CDH4: variants seen among roughly 807,000 people sequenced by gnomAD.
The protein encoded by CDH4 is cadherin 4.
In CDH4, 33 loss-of-function variants were observed where a neutral mutation model predicts 86.0. The ratio of observed to expected loss-of-function variants is 0.38; its 90% CI spans 0.29 to 0.51. The LOEUF is 0.51. CDH4 is among the 20% of genes least tolerant of loss of function. The probability of loss-of-function intolerance (pLI) is 0.86; values close to 1 mark genes in which losing one functional copy is unlikely to be tolerated. For missense variants in CDH4, 1,114 were observed against 1,307.4 expected (o/e 0.85, Z 2.28); for synonymous variants, 555 against 549.4 (o/e 1.01, Z -0.14).
rs1311781433 is a variant in CDH4 at position 61,383,555 on chromosome 20, G to GAT, written c.169+128623_169+128624dup. Among the ~76,000 whole-genome samples, 2 of 61,718 alleles carry GAT rather than the reference G, an allele frequency of 3.2e-5. 1 individual carries two copies. The highest frequency in any genetic ancestry group is 5.3e-5 in the Non-Finnish European group (2 of 37,654). The allele number at this position is 61,718 out of a possible 152,430, so 40.5% of individuals were successfully genotyped here. A position where few individuals can be genotyped will look rare whatever the true frequency, so the allele number is the denominator to read the frequency against. On this transcript the variant is annotated intron_variant, in intron 2 of 15. Transcript: ENST00000614565. The stretch of plus-strand genomic sequence containing the variant: ...TATATGAATATATATGAATATATAT[G>GAT]ATATATGATATATGATATATATGAA...
At chr20:61,256,439 C>T (rs1240648500) in intron 2 of CDH4, among the ~76,000 whole-genome samples, 9 of 152,196 alleles carry the variant, frequency 5.9e-5, no homozygotes, top group Admixed American at 2.0e-4. Context: ...CTTTCTACAA[C>T]GCAGCGTGAG....
At chr20:61,514,966 G>A (rs2085807740) in intron 2 of CDH4, among the ~76,000 whole-genome samples, 1 of 152,190 alleles carries the variant, frequency 6.6e-6, no homozygotes, top group Non-Finnish European at 1.5e-5. Context: ...GCCTGGCATT[G>A]GGGCGGGGGC....
Position 61,723,076 on chromosome 20 carries a change from C to T in CDH4, c.170-20487C>T, listed in dbSNP as rs538626818. On this transcript the variant is annotated intron_variant, in intron 2 of 15. Transcript: ENST00000614565. ...AAGTGGAATGGTGATTTTCCTTCTG[C>T]ACAAGGGCAGACCTCACTCTTCATC... Among the ~76,000 whole-genome samples the T allele has an allele frequency of 3.3e-5, 5 of 152,292 alleles. No individual in the cohort carries two copies. In the South Asian group the frequency reaches 8.3e-4, roughly 25 times the overall value.
chr20:61,735,603 G>A (rs959123112), intron 2 of CDH4, among the ~76,000 whole-genome samples: 5 of 152,188 alleles, frequency 3.3e-5, no homozygotes, highest in African/African-American at 9.7e-5. Flanking sequence ...CGCCTTCGGG[G>A]CCACTGCGGG....
At chr20:61,424,289 A>G (rs2085198842) in intron 2 of CDH4, among the ~76,000 whole-genome samples, 1 of 151,516 alleles carries the variant, frequency 6.6e-6, no homozygotes, top group African/African-American at 2.4e-5. Flanking sequence ...ACACACATGT[A>G]TCCAAACACA....
chr20:61,718,462 C>T (rs1001004493), intron 2 of CDH4: 7 of 246,436 alleles, frequency 2.8e-5, no homozygotes, highest in African/African-American at 1.5e-4. Context: ...GAGGCAGGTG[C>T]CTGCTAAGGC....
chr20:61,581,430 T>C (rs1412448017), intron 2 of CDH4, among the ~76,000 whole-genome samples: 1 of 152,106 alleles, frequency 6.6e-6, no homozygotes, highest in East Asian at 1.9e-4. Flanking sequence ...TTTTCCAGCT[T>C]CTGGAGACGT....
intron 4 of CDH4, among the ~76,000 whole-genome samples, chr20:61,839,881 G>GGTGTGTGTGTATGTGTGTACT (rs1982078687): frequency 6.6e-6 from 1 of 151,216 alleles, no homozygotes; most frequent in Non-Finnish European, 1.5e-5. Context: ...GTGCTTGTGT[G>GGTGTGTGTGTATGTGTGTACT]GTGTGTGTGT....
At chr20:61,547,162 C>T (rs1395935799) in intron 2 of CDH4, among the ~76,000 whole-genome samples, 1 of 146,960 alleles carries the variant, frequency 6.8e-6, no homozygotes, top group Non-Finnish European at 1.5e-5. Context: ...GTAGCTTTTA[C>T]TGGATTCAGT....
At chr20:61,856,569 A>C (rs1983020774) in intron 6 of CDH4, among the ~76,000 whole-genome samples, 2 of 110,762 alleles carry the variant, frequency 1.8e-5, no homozygotes, top group African/African-American at 7.1e-5. Flanking sequence ...TTCTGCGTGC[A>C]CCCCACATTC....
At position 61,810,306 on chromosome 20, in the gene CDH4, G is replaced by A. The variant is rs1280600697; in HGVS notation, c.577-34362G>A. ...ATCCACCGGGCCAGTCGGGGCGGCT[G>A]TGCCAGGCTGTCGTCCCCCCCATGA... is the stretch of plus-strand genomic sequence containing the variant. On this transcript the variant is annotated intron_variant, in intron 4 of 15. Transcript: ENST00000614565. The surrounding 1 kb of genome is among the most constrained non-coding windows in gnomAD (Gnocchi z 4.3). 6.6e-6 allele frequency among the ~76,000 whole-genome samples: 1 copy of A among 152,222 alleles called. No homozygotes were observed. Among genetic ancestry groups the A allele is most frequent in the African/African-American group, 2.4e-5 (1 of 41,456 alleles).
intron 4 of CDH4, among the ~76,000 whole-genome samples, chr20:61,828,564 G>A (rs989129907): frequency 2.6e-5 from 4 of 152,202 alleles, no homozygotes; most frequent in South Asian, 2.1e-4. Context: ...CCCCACCTTC[G>A]GAATCGACTT....
intron 2 of CDH4, among the ~76,000 whole-genome samples, chr20:61,339,754 C>G (rs1568804734): frequency 2.0e-5 from 3 of 152,152 alleles, no homozygotes; most frequent in African/African-American, 4.8e-5. Flanking sequence ...TAGATATTTC[C>G]TCATGCTCAG....
intron 2 of CDH4, among the ~76,000 whole-genome samples, chr20:61,678,166 TG>T (rs1337158635): frequency 4.0e-5 from 6 of 151,524 alleles, no homozygotes; most frequent in Non-Finnish European, 8.8e-5. Flanking sequence ...GGATGATGGA[TG>T]ATGGATGGAT....
chr20:61,274,489 G>A (rs1468942904), intron 2 of CDH4, among the ~76,000 whole-genome samples: 12 of 140,906 alleles, frequency 8.5e-5, no homozygotes, highest in Admixed American at 2.1e-4. Context: ...GGGGAGTACC[G>A]TGTGCAGTTT....
chr20:61,525,378 A>G (rs1445706979), intron 2 of CDH4, among the ~76,000 whole-genome samples: 1 of 152,154 alleles, frequency 6.6e-6, no homozygotes, highest in Admixed American at 6.5e-5. Context: ...GACAGTCTCC[A>G]TCACTCAGGG....
chr20:61,635,733 G>T (rs561704933), intron 2 of CDH4, among the ~76,000 whole-genome samples: 1 of 152,180 alleles, frequency 6.6e-6, no homozygotes, highest in African/African-American at 2.4e-5. Context: ...GACCAGTTTT[G>T]CACACACTTG....
chr20:61,849,687 C>T (rs992814772), intron 5 of CDH4, among the ~76,000 whole-genome samples: 1 of 152,180 alleles, frequency 6.6e-6, no homozygotes, highest in Non-Finnish European at 1.5e-5. Context: ...ACAGCCACCC[C>T]CTGAAGGGCA....
chr20:61,765,624 G>A (rs1426356716), intron 3 of CDH4, among the ~76,000 whole-genome samples: 1 of 152,204 alleles, frequency 6.6e-6, no homozygotes, highest in East Asian at 1.9e-4. Context: ...CCAGGCCAAG[G>A]AGGCCGAGTG....
Sources: allele counts gnomAD v4.1 joint callset (sites outside exome capture counted in the v4.1 genomes callset), GRCh38; gene constraint gnomAD v4.1.1; non-coding constraint Gnocchi (gnomAD v3.1); transcripts MANE v1.5; gene names NCBI Gene and HGNC (gene_info 2026-07-23, HGNC 2026-07-21).